KHDRBS2: variants seen among roughly 807,000 people sequenced by gnomAD.
KHDRBS2 encodes the protein KH RNA binding domain containing, signal transduction associated 2, also known as KH domain-containing, RNA-binding, signal transduction-associated protein 2.
In KHDRBS2, 26 loss-of-function variants were observed where a neutral mutation model predicts 44.3. The observed-to-expected ratio is 0.59, with a 90% confidence interval of 0.43 to 0.81. The LOEUF (loss-of-function observed/expected upper bound fraction) is 0.81. Among genes scored for constraint, KHDRBS2 ranks in the 40% least tolerant of loss-of-function variants. KHDRBS2 has a pLI of 0.00. For missense variants in KHDRBS2, 476 were observed against 433.1 expected, an observed-to-expected ratio of 1.10 and a Z score of -0.88; for synonymous variants, 194 against 151.1, an observed-to-expected ratio of 1.28 and a Z score of -2.08.
intron 1 of KHDRBS2, among the ~76,000 whole-genome samples, chr6:62,198,025 T>C (rs994547880): frequency 2.6e-5 from 4 of 152,154 alleles, no homozygotes; most frequent in Non-Finnish European, 4.4e-5. Flanking sequence ...AATAAAGACG[T>C]TCTTTGAAAC....
intron 6 of KHDRBS2, among the ~76,000 whole-genome samples, chr6:61,840,977 A>G (rs1462119322): frequency 6.6e-6 from 1 of 152,170 alleles, no homozygotes; most frequent in Non-Finnish European, 1.5e-5. Context: ...ATATTCTGGA[A>G]TTAAATTTGA....
intron 4 of KHDRBS2, among the ~76,000 whole-genome samples, chr6:61,959,517 G>A (rs1202984275): frequency 2.0e-5 from 3 of 152,030 alleles, no homozygotes; most frequent in Non-Finnish European, 4.4e-5. Flanking sequence ...TTAAAATATC[G>A]ATAGAAACAA....
chr6:62,174,298 T>A (rs1820663049), intron 2 of KHDRBS2, among the ~76,000 whole-genome samples: 1 of 151,388 alleles, frequency 6.6e-6, no homozygotes, highest in Admixed American at 6.6e-5. Flanking sequence ...AATAATGCAA[T>A]CCCATTCACA....
chr6:62,228,881 C>T (rs950523246), intron 1 of KHDRBS2, among the ~76,000 whole-genome samples: 1 of 152,164 alleles, frequency 6.6e-6, no homozygotes, highest in African/African-American at 2.4e-5. Flanking sequence ...CCGCTCCTTC[C>T]TCTGGGATCT....
chr6:61,797,795 T>G (rs1425532335), intron 6 of KHDRBS2, among the ~76,000 whole-genome samples: 1 of 151,364 alleles, frequency 6.6e-6, no homozygotes, highest in Admixed American at 6.6e-5. Context: ...ATTTATATAT[T>G]ATATTGAATA....
At chr6:62,215,964 T>C (rs1458211312) in intron 1 of KHDRBS2, among the ~76,000 whole-genome samples, 1 of 151,786 alleles carries the variant, frequency 6.6e-6, no homozygotes, top group African/African-American at 2.4e-5. Flanking sequence ...TTCCGTGAAG[T>C]TGGTATCACA....
chr6:61,660,042 A>G, the KHDRBS2 span, among the ~76,000 whole-genome samples: 1 of 151,872 alleles, frequency 6.6e-6, no homozygotes. Flanking sequence ...TTATTTATAG[A>G]TAAAACTACC....
intron 3 of KHDRBS2, among the ~76,000 whole-genome samples, chr6:62,007,249 CT>C (rs955879065): frequency 6.6e-6 from 1 of 152,026 alleles, no homozygotes; most frequent in Non-Finnish European, 1.5e-5. Flanking sequence ...TCTGCTTAAC[CT>C]TTATTACTTT....
chr6:61,791,730 T>A (rs1277673860), intron 6 of KHDRBS2, among the ~76,000 whole-genome samples: 1 of 151,492 alleles, frequency 6.6e-6, no homozygotes, highest in African/African-American at 2.4e-5. Flanking sequence ...ATTATGAAGT[T>A]ACCCTCTGTC....
At chr6:61,791,725 G>A (rs1266380922) in intron 6 of KHDRBS2, among the ~76,000 whole-genome samples, 2 of 151,340 alleles carry the variant, frequency 1.3e-5, no homozygotes, top group Non-Finnish European at 3.0e-5. Context: ...TTATCATTAT[G>A]AAGTTACCCT....
intron 4 of KHDRBS2, among the ~76,000 whole-genome samples, chr6:61,916,965 A>ATTTTTTTTTTTTTTTTT (rs10700035): frequency 8.8e-5 from 8 of 90,640 alleles, no homozygotes; most frequent in Admixed American, 1.4e-4. Context: ...GGAACTCTGT[A>ATTTTTTTTTTTTTTTTT]TTTTTTTTTT....
intron 3 of KHDRBS2, among the ~76,000 whole-genome samples, chr6:62,001,272 T>C (rs2127259123): frequency 6.6e-6 from 1 of 152,270 alleles, no homozygotes; most frequent in Admixed American, 6.5e-5. Context: ...CCATCAACTA[T>C]ACAGAGTTTC....
At chr6:61,559,976 G>A in the KHDRBS2 span, among the ~76,000 whole-genome samples, 1 of 152,044 alleles carries the variant, frequency 6.6e-6, no homozygotes, top group Non-Finnish European at 1.5e-5. Flanking sequence ...ACTCCATTTA[G>A]CATTTCTTGT....
chr6:62,049,796 G>A (rs1788577425), intron 2 of KHDRBS2, among the ~76,000 whole-genome samples: 1 of 152,074 alleles, frequency 6.6e-6, no homozygotes, highest in Non-Finnish European at 1.5e-5. Context: ...AACAACACAT[G>A]TTGGTGAGGC....
the KHDRBS2 span, among the ~76,000 whole-genome samples, chr6:61,617,633 A>T: frequency 7.2e-6 from 1 of 139,748 alleles, no homozygotes; most frequent in Non-Finnish European, 1.5e-5. Context: ...ACTGAAAAAG[A>T]CTGATTTTTT....
Position 61,681,087 on chromosome 6 carries a change from C to T in KHDRBS2, c.953-27G>A, listed in dbSNP as rs200726760. On this transcript the variant is annotated intron_variant, in intron 8 of 8. Transcript: ENST00000281156. The stretch of plus-strand genomic sequence containing the variant: ...TGTGAAAAAGAGAAAGATAGTAACA[C>T]ACACATGACTTCACAGTTACCAAAA... 117 of 1,477,386 alleles carry T rather than the reference C, an allele frequency of 7.9e-5. No individual in the cohort carries two copies. The African/African-American group carries it at 1.4e-3, about 18-fold the overall frequency. The allele number at this position is 1,477,386 out of a possible 1,614,324, so 91.5% of individuals were successfully genotyped here.
Position 61,852,692 on chromosome 6 carries a change from C to T in KHDRBS2, c.810+41943G>A, listed in dbSNP as rs562268022. Among the ~76,000 whole-genome samples the T allele has an allele frequency of 3.0e-4, 46 of 151,998 alleles. No individual in the cohort carries two copies. The South Asian group carries it at 5.6e-3, about 19-fold the overall frequency. ...GCCTTTATGGAAAGGATTTATAAGG[C>T]TATCTTTATTTTTAAGAGAATTTTG... On this transcript the variant is annotated intron_variant, in intron 6 of 8. Coordinates refer to ENST00000281156, the MANE Select transcript of KHDRBS2 (RefSeq NM_152688.4).
the KHDRBS2 span, among the ~76,000 whole-genome samples, chr6:61,557,208 T>C: frequency 1.3e-5 from 2 of 152,188 alleles, no homozygotes; most frequent in African/African-American, 2.4e-5. Context: ...ATAATAATAT[T>C]GCATTATATA....
chr6:61,665,068 G>T, the KHDRBS2 span, among the ~76,000 whole-genome samples: 3 of 151,194 alleles, frequency 2.0e-5, no homozygotes, highest in Admixed American at 6.6e-5. Context: ...GTCTATTTTT[G>T]ATGTTACATA....
Sources: allele counts gnomAD v4.1 joint callset (sites outside exome capture counted in the v4.1 genomes callset), GRCh38; gene constraint gnomAD v4.1.1; transcripts MANE v1.5; gene names NCBI Gene and HGNC (gene_info 2026-07-23, HGNC 2026-07-21).